CNTN4: variants seen among roughly 807,000 people sequenced by gnomAD.
The protein encoded by CNTN4 is contactin 4, also known as contactin-4.
Under a neutral mutation model 122.5 loss-of-function variants are expected in CNTN4, and 77 were observed. The observed-to-expected ratio is 0.63, with a 90% CI of 0.52 to 0.76. CNTN4 has a LOEUF of 0.76. CNTN4 is among the 30% of genes least tolerant of loss of function. The pLI, the probability that CNTN4 is intolerant of heterozygous loss-of-function variation, is 0.00. For missense variants in CNTN4, 1,256 were observed against 1,259.1 expected (o/e 1.00, Z 0.04); for synonymous variants, 512 against 447.0 (o/e 1.15, Z -1.83).
At chr3:2,649,850 T>A (rs564242215) in intron 4 of CNTN4, among the ~76,000 whole-genome samples, 1 of 152,012 alleles carries the variant, frequency 6.6e-6, no homozygotes, top group Admixed American at 6.6e-5. Flanking sequence ...AATTTGTGGC[T>A]GGGCACGGTG....
At chr3:2,283,166 C>T (rs2041781008) in intron 2 of CNTN4, among the ~76,000 whole-genome samples, 1 of 151,952 alleles carries the variant, frequency 6.6e-6, no homozygotes, top group Non-Finnish European at 1.5e-5. Context: ...TCTCTAAAAG[C>T]ATTTTAAGAG....
At chr3:2,866,173 G>A (rs1282418655) in intron 7 of CNTN4, among the ~76,000 whole-genome samples, 1 of 152,084 alleles carries the variant, frequency 6.6e-6, no homozygotes, top group African/African-American at 2.4e-5. Context: ...TTGACACTCA[G>A]GAATTATTCT....
Position 3,006,122 on chromosome 3 carries a change from C to T in CNTN4, c.1486+17650C>T, listed in dbSNP as rs754229390. On this transcript the variant is annotated intron_variant, in intron 14 of 24. Coordinates refer to ENST00000418658, the MANE Select transcript of CNTN4 (RefSeq NM_175607.3). ...TGATCTCCTGACCTTGTGATCCGCCCGCCTCGGCCTCCCAAGGTGCTGGGA... is the reference window on the plus strand; with the variant it reads ...TGATCTCCTGACCTTGTGATCCGCCTGCCTCGGCCTCCCAAGGTGCTGGGA... Among the ~76,000 whole-genome samples, 12 of 152,092 alleles carry T rather than the reference C, an allele frequency of 7.9e-5. No homozygotes were observed. In the South Asian group the frequency reaches 1.2e-3, roughly 16 times the overall value.
chr3:2,655,220 C>G (rs1182824254), intron 4 of CNTN4, among the ~76,000 whole-genome samples: 1 of 152,168 alleles, frequency 6.6e-6, no homozygotes, highest in Non-Finnish European at 1.5e-5. Flanking sequence ...CCTTTTGAAT[C>G]ATTAACTCTG....
chr3:2,343,349 C>T (rs1234331997), intron 3 of CNTN4, among the ~76,000 whole-genome samples: 1 of 152,156 alleles, frequency 6.6e-6, no homozygotes, highest in African/African-American at 2.4e-5. Flanking sequence ...TGGTCACGGG[C>T]CAAGTCTTCA....
intron 6 of CNTN4, among the ~76,000 whole-genome samples, chr3:2,762,048 C>T (rs565937219): frequency 3.7e-4 from 57 of 152,204 alleles, no homozygotes; most frequent in African/African-American, 1.2e-3. Context: ...ATGAACTAGA[C>T]AGATATGAAG....
Position 2,795,560 on chromosome 3 carries a change from G to A in CNTN4, c.359-23926G>A, listed in dbSNP as rs976837121. 4.6e-4 allele frequency among the ~76,000 whole-genome samples: 67 copies of A among 146,182 alleles called. No individual in the cohort carries two copies. In the Admixed American group the frequency reaches 4.7e-3, roughly 10 times the overall value. On this transcript the variant is annotated intron_variant, in intron 6 of 24. Transcript: ENST00000418658. ...TTCTGAGATGGAGTCTCGCTCTGTC[G>A]CCCAGGCTGGAGTGCGGTGGTGCCA... is the stretch of plus-strand genomic sequence containing the variant.
chr3:2,155,868 G>A (rs1005498489), intron 2 of CNTN4, among the ~76,000 whole-genome samples: 1 of 152,194 alleles, frequency 6.6e-6, no homozygotes. Flanking sequence ...TCCTCAGAAA[G>A]CACCACCTTC....
At chr3:2,631,849 G>A (rs2082441816) in intron 4 of CNTN4, among the ~76,000 whole-genome samples, 1 of 136,098 alleles carries the variant, frequency 7.3e-6, no homozygotes, top group African/African-American at 2.9e-5. Context: ...GGCAACATAG[G>A]GAGACCGTAT....
intron 7 of CNTN4, among the ~76,000 whole-genome samples, chr3:2,833,582 A>G (rs1053352284): frequency 6.6e-6 from 1 of 151,750 alleles, no homozygotes; most frequent in Non-Finnish European, 1.5e-5. Flanking sequence ...GTACTTTCTC[A>G]TGTTTGAGCG....
At chr3:2,505,065 T>C (rs950938765) in intron 3 of CNTN4, among the ~76,000 whole-genome samples, 18 of 152,160 alleles carry the variant, frequency 1.2e-4, no homozygotes, top group African/African-American at 4.1e-4. Context: ...AAATAGTAGT[T>C]TTGTGGCATT....
intron 3 of CNTN4, among the ~76,000 whole-genome samples, chr3:2,422,705 C>G (rs937031427): frequency 6.6e-6 from 1 of 152,190 alleles, no homozygotes; most frequent in Non-Finnish European, 1.5e-5. Flanking sequence ...GAAAGAAATA[C>G]ATTTAGCTCT....
At chr3:2,704,067 C>T (rs1199414230) in intron 4 of CNTN4, among the ~76,000 whole-genome samples, 3 of 151,464 alleles carry the variant, frequency 2.0e-5, no homozygotes, top group Non-Finnish European at 4.4e-5. Flanking sequence ...CTGAGGCAGG[C>T]GGGCGGATCA....
intron 2 of CNTN4, among the ~76,000 whole-genome samples, chr3:2,284,379 C>G (rs1042767509): frequency 2.6e-5 from 4 of 152,084 alleles, no homozygotes; most frequent in Admixed American, 6.6e-5. Context: ...TTAGCTTGCT[C>G]TGGTGTTCAA....
intron 7 of CNTN4, among the ~76,000 whole-genome samples, chr3:2,834,898 C>T (rs993066922): frequency 9.9e-5 from 6 of 60,462 alleles, no homozygotes; most frequent in Admixed American, 5.5e-4. Context: ...TAAAGGCAAC[C>T]TTTTTTTTTT....
At chr3:2,840,689 A>T (rs2093346823) in intron 7 of CNTN4, among the ~76,000 whole-genome samples, 1 of 150,886 alleles carries the variant, frequency 6.6e-6, no homozygotes, top group African/African-American at 2.4e-5. Flanking sequence ...ACAGAGCGAC[A>T]CTCCGTCTCC....
intron 3 of CNTN4, among the ~76,000 whole-genome samples, chr3:2,352,236 G>C (rs1160487336): frequency 3.3e-5 from 5 of 152,138 alleles, no homozygotes; most frequent in African/African-American, 1.2e-4. Flanking sequence ...GTGACAATGT[G>C]CTAGCAGCCC....
intron 4 of CNTN4, among the ~76,000 whole-genome samples, chr3:2,581,625 A>G (rs1311359147): frequency 6.6e-6 from 1 of 152,202 alleles, no homozygotes; most frequent in Non-Finnish European, 1.5e-5. Flanking sequence ...AGTGAAGACC[A>G]GTTTTTTTTC....
At chr3:2,343,186 A>G (rs538532269) in intron 3 of CNTN4, among the ~76,000 whole-genome samples, 56 of 152,282 alleles carry the variant, frequency 3.7e-4, no homozygotes, top group African/African-American at 1.3e-3. Context: ...CCTAAGGGCA[A>G]TTTGCACTGA....
Sources: allele counts gnomAD v4.1 joint callset (sites outside exome capture counted in the v4.1 genomes callset), GRCh38; gene constraint gnomAD v4.1.1; transcripts MANE v1.5; gene names NCBI Gene and HGNC (gene_info 2026-07-23, HGNC 2026-07-21).